Variants in ANKS1B observed in about 807,000 individuals in gnomAD.
ANKS1B encodes the protein ankyrin repeat and sterile alpha motif domain containing 1B.
ANKS1B carries 36 observed loss-of-function variants against 148.3 expected under a neutral mutation model. That is an observed-to-expected ratio of 0.24 (90% CI 0.19 to 0.32). The LOEUF (loss-of-function observed/expected upper bound fraction) is 0.32, where lower values mean the gene tolerates loss of function less well. ANKS1B is among the 10% of genes least tolerant of loss of function. The pLI, the probability that ANKS1B is intolerant of heterozygous loss-of-function variation, is 1.00. For missense variants in ANKS1B, 1,157 were observed against 1,542.6 expected (o/e 0.75, Z 4.19); for synonymous variants, 542 against 560.8 (o/e 0.97, Z 0.47).
At chr12:99,227,069 GTTCA>G (rs2086061134) in intron 14 of ANKS1B, among the ~76,000 whole-genome samples, 2 of 152,148 alleles carry the variant, frequency 1.3e-5, no homozygotes, top group African/African-American at 4.8e-5. Flanking sequence ...CTAGTGTATT[GTTCA>G]GTTTCACATT....
chr12:99,171,460 A>T (rs2077746857), intron 14 of ANKS1B, among the ~76,000 whole-genome samples: 2 of 152,194 alleles, frequency 1.3e-5, no homozygotes, highest in African/African-American at 4.8e-5. Context: ...CTGGATCATA[A>T]CGCCGAGATT....
chr12:99,222,280 C>T lies in ANKS1B; in HGVS notation c.2419+22062G>A, dbSNP rs146881269. Reference sequence around the variant, plus strand: ...GTAATAGGTATTATAGGGAGATTTGCTTCACTAAACATTGTATAAACTTTT... The same window carrying T: ...GTAATAGGTATTATAGGGAGATTTGTTTCACTAAACATTGTATAAACTTTT... On this transcript the variant is annotated intron_variant, in intron 14 of 26. Coordinates refer to ENST00000683438, the MANE Select transcript of ANKS1B (RefSeq NM_001352186.2). Among the ~76,000 whole-genome samples, 192 of 152,230 alleles carry T rather than the reference C, an allele frequency of 1.3e-3. 1 individual carries two copies. The highest frequency in any genetic ancestry group is 1.8e-3 in the Non-Finnish European group (120 of 68,002).
chr12:98,793,969 G>A (rs1450570663), intron 22 of ANKS1B, among the ~76,000 whole-genome samples: 1 of 152,142 alleles, frequency 6.6e-6, no homozygotes, highest in Non-Finnish European at 1.5e-5. Flanking sequence ...ACCAAAAACT[G>A]TATGTCTTGG....
Position 99,604,750 on chromosome 12 carries a change from G to A in ANKS1B, c.1272+50317C>T, listed in dbSNP as rs529366643. Among the ~76,000 whole-genome samples the A allele has an allele frequency of 1.2e-4, 18 of 150,884 alleles. 1 individual carries two copies. In the East Asian group the frequency reaches 3.1e-3, roughly 26 times the overall value. Reference sequence around the variant, plus strand: ...GAATTGTTTGAACCCGGGAGGTGGAGGTTGCAGTGAGCTGAGATCACACCA... The same window carrying A: ...GAATTGTTTGAACCCGGGAGGTGGAAGTTGCAGTGAGCTGAGATCACACCA... On this transcript the variant is annotated intron_variant, in intron 9 of 26. Transcript: ENST00000683438.
At chr12:99,205,905 G>T (rs2082614934) in intron 14 of ANKS1B, among the ~76,000 whole-genome samples, 1 of 152,282 alleles carries the variant, frequency 6.6e-6, no homozygotes, top group East Asian at 1.9e-4. Context: ...GCACTTAGTT[G>T]AGGCATGCCT....
intron 1 of ANKS1B, among the ~76,000 whole-genome samples, chr12:99,899,722 C>G (rs937148086): frequency 6.6e-6 from 1 of 152,102 alleles, no homozygotes; most frequent in Non-Finnish European, 1.5e-5. Context: ...AAACTAGCTT[C>G]TCTTAGAATT....
rs148048664 is a variant in ANKS1B at position 99,938,051 on chromosome 12, A to G, written c.134+46053T>C. Among the ~76,000 whole-genome samples, 249 of 152,284 alleles carry G rather than the reference A, an allele frequency of 1.6e-3. 9 individuals carry two copies. The East Asian group carries it at 0.04, about 25-fold the overall frequency. ...GTGATCCCTCCCCTTGAGTATGGGCAGGACCTGTGGCTTGTTTCTAGTCAA... is the reference window on the plus strand; with the variant it reads ...GTGATCCCTCCCCTTGAGTATGGGCGGGACCTGTGGCTTGTTTCTAGTCAA... On this transcript the variant is annotated intron_variant, in intron 1 of 26. Transcript: ENST00000683438.
In ANKS1B at chr12:99,798,412, C is replaced by T. The variant is rs144630333; in HGVS notation, c.669+7992G>A. On this transcript the variant is annotated intron_variant, in intron 4 of 26. Coordinates refer to ENST00000683438, the MANE Select transcript of ANKS1B (RefSeq NM_001352186.2). The stretch of plus-strand genomic sequence containing the variant: ...TGTTTGGTACTTAGCCACGTGGGCA[C>T]CTCTTGGAATTAAAAAAAAAAAAAA... Among the ~76,000 whole-genome samples, 186 of 137,018 alleles carry T rather than the reference C, an allele frequency of 1.4e-3. 3 individuals carry two copies. The highest frequency in any genetic ancestry group is 3.6e-3 in the Middle Eastern group (1 of 280). 89.9% of individuals were successfully genotyped at this position (137,018 alleles called of 152,430 possible).
intron 10 of ANKS1B, among the ~76,000 whole-genome samples, chr12:99,449,888 T>TATCC (rs946912416): frequency 1.4e-5 from 2 of 146,336 alleles, no homozygotes; most frequent in South Asian, 4.5e-4. Context: ...CAACAGGATC[T>TATCC]ATCCATCTAT....
chr12:99,976,376 A>T (rs1216033347), intron 1 of ANKS1B, among the ~76,000 whole-genome samples: 2 of 152,202 alleles, frequency 1.3e-5, no homozygotes, highest in Non-Finnish European at 2.9e-5. Context: ...GATAGGCTGG[A>T]ATCTAGAGAT....
At chr12:98,965,435 G>A (rs1465179259) in intron 17 of ANKS1B, among the ~76,000 whole-genome samples, 1 of 152,144 alleles carries the variant, frequency 6.6e-6, no homozygotes, top group Non-Finnish European at 1.5e-5. Context: ...AAAGTCTGAT[G>A]CAAGCCATAT....
chr12:99,638,429 T>A (rs2098265851), intron 9 of ANKS1B, among the ~76,000 whole-genome samples: 1 of 152,168 alleles, frequency 6.6e-6, no homozygotes, highest in Non-Finnish European at 1.5e-5. Flanking sequence ...TGTTGGGAAC[T>A]GCAATAAAGG....
chr12:99,058,482 C>G (rs2041073903), intron 16 of ANKS1B, among the ~76,000 whole-genome samples: 1 of 151,944 alleles, frequency 6.6e-6, no homozygotes, highest in Non-Finnish European at 1.5e-5. Flanking sequence ...CTCCTGAGCT[C>G]AAGCGATCTG....
At chr12:99,885,666 GTGGTGAAGTC>G (rs1448646067) in intron 1 of ANKS1B, among the ~76,000 whole-genome samples, 1 of 152,032 alleles carries the variant, frequency 6.6e-6, no homozygotes, top group Admixed American at 6.6e-5. Flanking sequence ...GAATTTTGTA[GTGGTGAAGTC>G]TGAAGTTTTA....
chr12:99,849,205 C>G (rs535186365), intron 1 of ANKS1B, among the ~76,000 whole-genome samples: 1 of 151,898 alleles, frequency 6.6e-6, no homozygotes, highest in Non-Finnish European at 1.5e-5. Flanking sequence ...AACAAATAAG[C>G]AAATATTTGG....
intron 9 of ANKS1B, among the ~76,000 whole-genome samples, chr12:99,582,304 T>C (rs548045987): frequency 1.3e-5 from 2 of 151,982 alleles, no homozygotes; most frequent in South Asian, 2.1e-4. Flanking sequence ...CTTTTAAACA[T>C]ATATTTACCA....
chr12:98,975,120 CTCTTTCCTTCCTCTCTTCT>C (rs2099891540), intron 17 of ANKS1B, among the ~76,000 whole-genome samples: 1 of 140,208 alleles, frequency 7.1e-6, no homozygotes, highest in Non-Finnish European at 1.5e-5. Context: ...CTTCTGTTTC[CTCTTTCCTTCCTCTCTTCT>C]TCTTTCCTCC....
intron 1 of ANKS1B, among the ~76,000 whole-genome samples, chr12:99,910,625 A>T (rs989401487): frequency 6.6e-6 from 1 of 152,156 alleles, no homozygotes; most frequent in African/African-American, 2.4e-5. Flanking sequence ...CTAAAATTAG[A>T]CTGTGGTAGT....
chr12:99,913,857 T>A (rs957482554), intron 1 of ANKS1B, among the ~76,000 whole-genome samples: 4 of 151,958 alleles, frequency 2.6e-5, no homozygotes, highest in South Asian at 2.1e-4. Flanking sequence ...TAAAAAAAAA[T>A]TTATGATTAA....
Sources: allele counts gnomAD v4.1 joint callset (sites outside exome capture counted in the v4.1 genomes callset), GRCh38; gene constraint gnomAD v4.1.1; transcripts MANE v1.5; gene names NCBI Gene and HGNC (gene_info 2026-07-23, HGNC 2026-07-21).